ZNF479: variants seen among roughly 807,000 people sequenced by gnomAD.
The protein encoded by ZNF479 is KRAB zinc finger protein KR19.
In ZNF479, 15 loss-of-function variants were observed where a neutral mutation model predicts 14.7. The observed-to-expected ratio is 1.02, with a 90% CI of 0.68 to 1.57. The LOEUF (loss-of-function observed/expected upper bound fraction) is 1.57, where lower values mean the gene tolerates loss of function less well. Ranked by LOEUF, ZNF479 falls within the 40% of genes most tolerant of loss-of-function variation. The pLI, the probability that ZNF479 is intolerant of heterozygous loss-of-function variation, is 0.00. For missense variants in ZNF479, 506 were observed against 615.1 expected (o/e 0.82, Z 1.88); for synonymous variants, 145 against 211.5 (o/e 0.69, Z 2.73).
Position 57,126,120 on chromosome 7 carries a change from T to C in ZNF479, c.167-7A>G, listed in dbSNP as rs1251845949. The C allele has an allele frequency of 1.3e-6, 2 of 1,588,706 alleles. No individual in the cohort carries two copies. The highest frequency in any genetic ancestry group is 8.5e-7 in the Non-Finnish European group (1 of 1,176,080). ...GGCTTAGAGACAGCAATACCTGTTTTATTAAGAAAAAAAAGTAACATAGAT... is the reference window on the plus strand; with the variant it reads ...GGCTTAGAGACAGCAATACCTGTTTCATTAAGAAAAAAAAGTAACATAGAT... On this transcript the variant is annotated splice_region_variant and splice_polypyrimidine_tract_variant and intron_variant, in intron 2 of 3. Coordinates refer to ENST00000319636, the MANE Select transcript of ZNF479 (RefSeq NM_001370129.2).
Position 57,120,045 on chromosome 7 carries a change from C to A in ZNF479, c.1370G>T (p.Arg457Ile), listed in dbSNP as rs782458205. 1.9e-6 allele frequency: 3 copies of A among 1,613,874 alleles called. No homozygotes were observed. The highest frequency in any genetic ancestry group is 1.1e-5 in the South Asian group (1 of 91,066). ...GTAGGGTCTCTCTCCAGTATGAATT[C>A]TCTTGTGGTCAGTGAGGGTTGAGGA... ...SLSSTLTDHK[R>I]IHTGERPYTC... Residue 457 changes from arginine (R) to isoleucine (I), a missense_variant, in exon 4 of 4, where the codon AGA (arginine) becomes ATA (isoleucine). Around this residue, in one of 3 missense-constraint regions of ZNF479, gnomAD observed 72 missense variants for 97.6 expected, o/e 0.74. Transcript: ENST00000319636.
At chr7:57,122,874 G>T (rs777460512) in intron 3 of ZNF479, among the ~76,000 whole-genome samples, 1 of 151,668 alleles carries the variant, frequency 6.6e-6, no homozygotes, top group Non-Finnish European at 1.5e-5. Context: ...TAACATCAGG[G>T]CTTCAAAACA....
upstream of ZNF479, among the ~76,000 whole-genome samples, chr7:57,137,226 C>T (rs369281220): frequency 3.9e-5 from 6 of 152,136 alleles, no homozygotes; most frequent in African/African-American, 7.2e-5. Flanking sequence ...AACTCTGCCT[C>T]GCAAGACCAA....
chr7:57,137,045 G>C (rs1355840013), upstream of ZNF479, among the ~76,000 whole-genome samples: 10 of 152,210 alleles, frequency 6.6e-5, no homozygotes, highest in Non-Finnish European at 1.5e-4. Flanking sequence ...TTTCACTTGG[G>C]AGGTTATGGT....
intron 3 of ZNF479, among the ~76,000 whole-genome samples, chr7:57,124,780 A>C (rs1436986407): frequency 6.6e-6 from 1 of 152,226 alleles, no homozygotes; most frequent in African/African-American, 2.4e-5. Flanking sequence ...CTTGATTTAG[A>C]AATGGACAAA....
At chr7:57,122,072 T>C (rs1230548243) in intron 3 of ZNF479, among the ~76,000 whole-genome samples, 1 of 151,850 alleles carries the variant, frequency 6.6e-6, no homozygotes, top group Non-Finnish European at 1.5e-5. Flanking sequence ...AACTAGGATA[T>C]ACACAAAAAG....
At chr7:57,129,997 A>G (rs184323777) in intron 1 of ZNF479, among the ~76,000 whole-genome samples, 1 of 152,366 alleles carries the variant, frequency 6.6e-6, no homozygotes, top group African/African-American at 2.4e-5. Context: ...AGTGTTAAGG[A>G]CAAAATGTAT....
chr7:57,124,874 AG>A (rs1249701630), intron 3 of ZNF479, among the ~76,000 whole-genome samples: 1 of 152,162 alleles, frequency 6.6e-6, no homozygotes, highest in Non-Finnish European at 1.5e-5. Flanking sequence ...CAGGAATTCA[AG>A]ACCAGCCTGA....
In ZNF479 at chr7:57,120,392, A is replaced by T. The variant is rs781786066; in HGVS notation, c.1023T>A (p.Thr341=). ...CTCTAGTATGAATTCTCTTATGTCT[A>T]GTAAGGTTTGAGGACCAGCTAAAGG... ...GKAFSWSSNL[T]RHKRIHTREK... Residue 341 remains threonine, a synonymous_variant, in exon 4 of 4, where the codon ACT becomes ACA. Transcript: ENST00000319636. 3.1e-6 allele frequency: 5 copies of T among 1,613,414 alleles called. No homozygotes were observed. In the African/African-American group the frequency reaches 6.7e-5, roughly 22 times the overall value.
chr7:57,127,026 C>CTTTTTTTTTTTTTTTTT (rs1317795538), intron 1 of ZNF479, among the ~76,000 whole-genome samples: 1 of 77,934 alleles, frequency 1.3e-5, no homozygotes, highest in Non-Finnish European at 3.2e-5. Context: ...TTTTTTTTTT[C>CTTTTTTTTTTTTTTTTT]TTTTTTTTTT....
chr7:57,123,509 C>A (rs916444102), intron 3 of ZNF479, among the ~76,000 whole-genome samples: 12 of 152,308 alleles, frequency 7.9e-5, no homozygotes, highest in Non-Finnish European at 1.6e-4. Context: ...GCACCTGGTG[C>A]GTTCTGTTAG....
At chr7:57,134,357 G>A (rs772206768), upstream of ZNF479, among the ~76,000 whole-genome samples, 2 of 152,162 alleles carry the variant, frequency 1.3e-5, no homozygotes, top group Non-Finnish European at 2.9e-5. Context: ...GCATTAGCAC[G>A]TGAAAGACAT....
chr7:57,139,833 T>A (rs77635915), exon 1 of ZNF479: 3,312 of 152,306 alleles, frequency 0.022, 112 homozygotes, highest in East Asian at 0.17. Context: ...TCTAGGCCCA[T>A]CACCTACGTG....
rs1434698695 is a variant in ZNF479 at position 57,118,816 on chromosome 7, C to T, written c.*1024G>A. Among the ~76,000 whole-genome samples the T allele has an allele frequency of 6.6e-6, 1 of 151,884 alleles. No homozygotes were observed. The highest frequency in any genetic ancestry group is 1.5e-5 in the Non-Finnish European group (1 of 67,996). ...TGTGAGAATTTGTTAAAAGTTTTGC[C>T]ACATTCTTCATATTTGTAGGAGTCT... On this transcript the variant is annotated 3_prime_UTR_variant, in exon 4 of 4. Transcript: ENST00000319636.
chr7:57,134,599 C>T (rs114401342), upstream of ZNF479, among the ~76,000 whole-genome samples: 1,034 of 151,932 alleles, frequency 6.8e-3, 11 homozygotes, highest in African/African-American at 0.023. Context: ...TCTTTTATTC[C>T]TCTACTTTCC....
intron 3 of ZNF479, among the ~76,000 whole-genome samples, chr7:57,124,314 T>C (rs1391799212): frequency 6.6e-6 from 1 of 152,198 alleles, no homozygotes; most frequent in Non-Finnish European, 1.5e-5. Context: ...CAATGAACTC[T>C]TCTGTGTATG....
In ZNF479 at chr7:57,118,916, C is replaced by A. The variant is rs1405918747; in HGVS notation, c.*924G>T. On this transcript the variant is annotated 3_prime_UTR_variant, in exon 4 of 4. Coordinates refer to ENST00000319636, the MANE Select transcript of ZNF479 (RefSeq NM_001370129.2). ...AGTCCTTGCCACATTTAACACATTT[C>A]TAGAGTTTCTCACCAGTATGATTTC... is the stretch of plus-strand genomic sequence containing the variant. 2.0e-5 allele frequency among the ~76,000 whole-genome samples: 3 copies of A among 152,186 alleles called. No individual in the cohort carries two copies. Among genetic ancestry groups the A allele is most frequent in the African/African-American group, 7.2e-5 (3 of 41,466 alleles).
rs771093930 is a variant in ZNF479, at chr7:57,126,697, T to A, written c.61A>T (p.Ile21Leu). Residue 21 changes from isoleucine (I) to leucine (L), a missense_variant, in exon 2 of 4, where the codon ATA becomes TTA. This residue lies in a region of ZNF479 where 420 missense variants were observed against 474.2 expected (regional missense o/e 0.89). Coordinates refer to ENST00000319636, the MANE Select transcript of ZNF479 (RefSeq NM_001370129.2). ...REMGLLTFRD[I>L]AIEFSLEEWQ... ...TCCTCCAGAGAGAATTCTATAGCTA[T>A]GTCTCTGAATGTCAACAGTCCCTGG... The A allele has an allele frequency of 3.1e-6, 5 of 1,614,126 alleles. No individual in the cohort carries two copies. In the South Asian group the frequency reaches 5.5e-5, roughly 18 times the overall value.
chr7:57,125,810 T>C (rs530858438), intron 3 of ZNF479, among the ~76,000 whole-genome samples: 3 of 152,334 alleles, frequency 2.0e-5, no homozygotes. Context: ...GAAGAAAGAT[T>C]ATTGAAGCAG....
Sources: allele counts gnomAD v4.1 joint callset (sites outside exome capture counted in the v4.1 genomes callset), GRCh38; gene constraint gnomAD v4.1.1; regional missense constraint gnomAD v4.1.1; transcripts MANE v1.5; gene names NCBI Gene and HGNC (gene_info 2026-07-23, HGNC 2026-07-21).